The following CDK19 variants were observed in gnomAD, a reference collection of about 807,000 sequenced individuals.
CDK19 encodes cyclin dependent kinase 19.
Under a neutral mutation model 68.3 loss-of-function variants are expected in CDK19, and 20 were observed. The observed-to-expected ratio is 0.29, with a 90% CI of 0.21 to 0.43. The LOEUF (loss-of-function observed/expected upper bound fraction) is 0.43. Among genes scored for constraint, CDK19 ranks in the 20% least tolerant of loss-of-function variants. The pLI, the probability that CDK19 is intolerant of heterozygous loss-of-function variation, is 1.00. For missense variants in CDK19, 339 were observed against 623.5 expected, an observed-to-expected ratio of 0.54 and a Z score of 4.86; for synonymous variants, 221 against 222.8, an observed-to-expected ratio of 0.99 and a Z score of 0.07.
Position 110,746,220 on chromosome 6 carries a change from ACAT to A in CDK19, c.129-22_129-20del, listed in dbSNP as rs1778066286. 6.0e-6 allele frequency: 9 copies of A among 1,497,578 alleles called. No homozygotes were observed. The highest frequency in any genetic ancestry group is 6.4e-6 in the Non-Finnish European group (7 of 1,091,580). The allele number at this position is 1,497,578 out of a possible 1,614,324, so 92.8% of individuals were successfully genotyped here. ...ATCTTTTCTGCACATAAACAAAAAA[ACAT>A]CATTTTTCCATATATCACTTTCAGA... On this transcript the variant is annotated intron_variant, in intron 1 of 12. Transcript: ENST00000368911.
chr6:110,668,035 A>C (rs1782052415), intron 3 of CDK19, among the ~76,000 whole-genome samples: 1 of 152,366 alleles, frequency 6.6e-6, no homozygotes, highest in African/African-American at 2.4e-5. Flanking sequence ...AATAAATTAG[A>C]ATATATTCCT....
At chr6:110,642,478 C>T (rs1241488938) in intron 4 of CDK19, among the ~76,000 whole-genome samples, 7 of 151,978 alleles carry the variant, frequency 4.6e-5, no homozygotes, top group African/African-American at 1.2e-4. Flanking sequence ...TCCTTGCCCT[C>T]GTGGAGCTTA....
chr6:110,737,360 CTCTTT>C (rs1285571734), intron 2 of CDK19, among the ~76,000 whole-genome samples: 8 of 152,340 alleles, frequency 5.3e-5, no homozygotes, highest in Non-Finnish European at 1.2e-4. Flanking sequence ...TATGGCCCAC[CTCTTT>C]TCTATTACTG....
At chr6:110,696,811 C>G (rs1006329946) in intron 2 of CDK19, among the ~76,000 whole-genome samples, 6 of 152,032 alleles carry the variant, frequency 3.9e-5, no homozygotes, top group African/African-American at 1.2e-4. Flanking sequence ...AATCCCAGCA[C>G]TTTGGGAGGC....
chr6:110,811,141 G>C (rs1450830454), intron 1 of CDK19, among the ~76,000 whole-genome samples: 1 of 152,088 alleles, frequency 6.6e-6, no homozygotes, highest in Non-Finnish European at 1.5e-5. Flanking sequence ...TAAAACTTTG[G>C]AAAGTTCTAA....
chr6:110,619,785 T>A (rs1458107917), intron 12 of CDK19, among the ~76,000 whole-genome samples: 1 of 152,054 alleles, frequency 6.6e-6, no homozygotes, highest in South Asian at 2.1e-4. Context: ...GGAGTCTGAA[T>A]TGAGTCCAGT....
At chr6:110,733,383 C>T (rs535816064) in intron 2 of CDK19, among the ~76,000 whole-genome samples, 8 of 152,212 alleles carry the variant, frequency 5.3e-5, no homozygotes, top group African/African-American at 1.9e-4. Flanking sequence ...TTGTTTGGGG[C>T]TATTATGAAT....
At chr6:110,710,956 G>A (rs564585817) in intron 2 of CDK19, among the ~76,000 whole-genome samples, 1 of 152,120 alleles carries the variant, frequency 6.6e-6, no homozygotes, top group Non-Finnish European at 1.5e-5. Context: ...GGGGTTAGCC[G>A]CAACTGATCT....
chr6:110,657,767 A>G (rs952086875), intron 4 of CDK19, among the ~76,000 whole-genome samples: 5 of 152,200 alleles, frequency 3.3e-5, no homozygotes, highest in African/African-American at 1.2e-4. Context: ...TGCTTAAGTC[A>G]GTGATTATCA....
chr6:110,711,363 C>A (rs1170392285), intron 2 of CDK19, among the ~76,000 whole-genome samples: 1 of 152,060 alleles, frequency 6.6e-6, no homozygotes, highest in Non-Finnish European at 1.5e-5. Context: ...TGACAATATC[C>A]TTAGTAAATG....
At chr6:110,649,563 T>C (rs1349126683) in intron 4 of CDK19, among the ~76,000 whole-genome samples, 1 of 151,930 alleles carries the variant, frequency 6.6e-6, no homozygotes, top group East Asian at 1.9e-4. Flanking sequence ...AGAAAATAAA[T>C]GACAAAGCAC....
intron 1 of CDK19, among the ~76,000 whole-genome samples, chr6:110,783,416 T>C (rs1426163332): frequency 6.6e-6 from 1 of 152,080 alleles, no homozygotes; most frequent in Non-Finnish European, 1.5e-5. Context: ...GGCAGGCAGA[T>C]CACTAGAGGT....
intron 2 of CDK19, among the ~76,000 whole-genome samples, chr6:110,727,117 A>G (rs1167414735): frequency 6.6e-6 from 1 of 152,220 alleles, no homozygotes; most frequent in Non-Finnish European, 1.5e-5. Context: ...ATTAGGTTAT[A>G]TAAGACCATT....
chr6:110,755,943 G>C (rs1231360987), intron 1 of CDK19, among the ~76,000 whole-genome samples: 1 of 152,090 alleles, frequency 6.6e-6, no homozygotes, highest in Non-Finnish European at 1.5e-5. Context: ...ATGGACTCAA[G>C]AGGCATTTCA....
Position 110,758,177 on chromosome 6 carries a change from C to A in CDK19, c.129-11976G>T, listed in dbSNP as rs9374201. Among the ~76,000 whole-genome samples, 406 of 152,092 alleles carry A rather than the reference C, an allele frequency of 2.7e-3. 21 individuals are homozygous for A. In the East Asian group the frequency reaches 0.069, roughly 26 times the overall value. ...CCACACTCCAGCCTGAGCTACAGAG[C>A]AAGACCCTGTCCCCCACCTCCCCGC... On this transcript the variant is annotated intron_variant, in intron 1 of 12. Transcript: ENST00000368911.
intron 5 of CDK19, among the ~76,000 whole-genome samples, chr6:110,634,297 A>G (rs973529181): frequency 2.0e-5 from 3 of 152,046 alleles, no homozygotes; most frequent in Non-Finnish European, 4.4e-5. Flanking sequence ...GCTCCCTGCA[A>G]CCTCTACCTC....
chr6:110,748,865 C>A (rs1193153585), intron 1 of CDK19, among the ~76,000 whole-genome samples: 1 of 152,220 alleles, frequency 6.6e-6, no homozygotes, highest in Non-Finnish European at 1.5e-5. Context: ...TATTAAATAT[C>A]ATAAAAGAAC....
intron 2 of CDK19, among the ~76,000 whole-genome samples, chr6:110,701,183 G>A (rs1773970025): frequency 6.7e-6 from 1 of 150,044 alleles, no homozygotes. Context: ...TAGCCTGGGT[G>A]ACAGAGCGAG....
rs1778100998 is a variant in CDK19, at chr6:110,612,909, T to C, written c.*1626A>G. ...AGTGCAAAATGTATACTGGCTTCTG[T>C]CTAATCTTATTTTACTTGTGTATGG... On this transcript the variant is annotated 3_prime_UTR_variant, in exon 13 of 13. Transcript: ENST00000368911. 6.5e-6 allele frequency: 1 copy of C among 152,684 alleles called. No homozygotes were observed. The highest frequency in any genetic ancestry group is 1.5e-5 in the Non-Finnish European group (1 of 68,040). 9.5% of individuals were successfully genotyped at this position (152,684 alleles called of 1,614,324 possible).
Sources: gnomAD v4.1 joint callset for allele counts (sites outside exome capture counted in the v4.1 genomes callset) on GRCh38, gnomAD v4.1.1 for gene constraint, MANE v1.5 for transcripts, NCBI Gene and HGNC (gene_info 2026-07-23, HGNC 2026-07-21) for gene names.